The following GPC5 variants were observed in gnomAD, a reference collection of about 807,000 sequenced individuals.
GPC5 encodes glypican-5.
Under a neutral mutation model 53.9 loss-of-function variants are expected in GPC5, and 47 were observed. The ratio of observed to expected loss-of-function variants is 0.87; its 90% CI spans 0.69 to 1.11. GPC5 has a LOEUF of 1.11. Among genes scored for constraint, GPC5 ranks in the 50% most tolerant of loss-of-function variants. The probability of loss-of-function intolerance (pLI) is 0.00; values close to 1 mark genes in which losing one functional copy is unlikely to be tolerated. For synonymous variants in GPC5, 286 were observed against 263.3 expected, an observed-to-expected ratio of 1.09 and a Z score of -0.84; for missense variants, 748 against 713.1, an observed-to-expected ratio of 1.05 and a Z score of -0.56.
intron 7 of GPC5, among the ~76,000 whole-genome samples, chr13:92,605,785 G>A (rs578067073): frequency 1.3e-5 from 2 of 151,672 alleles, no homozygotes; most frequent in East Asian, 1.9e-4. Flanking sequence ...AAAAATACAC[G>A]GTTAGGACAC....
At chr13:92,549,786 G>A (rs914157307) in intron 7 of GPC5, among the ~76,000 whole-genome samples, 1 of 151,530 alleles carries the variant, frequency 6.6e-6, no homozygotes, top group Non-Finnish European at 1.5e-5. Context: ...TTGACTTTCT[G>A]ATTTCAAGTA....
intron 6 of GPC5, among the ~76,000 whole-genome samples, chr13:91,937,150 C>A (rs1405926391): frequency 6.6e-6 from 1 of 152,012 alleles, no homozygotes; most frequent in African/African-American, 2.4e-5. Context: ...TGCCTATGAC[C>A]CTTGACAAAG....
At chr13:91,744,738 C>A (rs2037010524) in intron 4 of GPC5, among the ~76,000 whole-genome samples, 1 of 152,056 alleles carries the variant, frequency 6.6e-6, no homozygotes, top group African/African-American at 2.4e-5. Context: ...CCGTAAGTCA[C>A]AAAGTTTATT....
intron 3 of GPC5, among the ~76,000 whole-genome samples, chr13:91,707,578 G>A (rs183649584): frequency 1.2e-4 from 19 of 152,194 alleles, no homozygotes; most frequent in East Asian, 9.7e-4. Context: ...CCATGATCGC[G>A]CCACTGCACT....
chr13:91,647,165 T>A (rs1004614546), intron 2 of GPC5, among the ~76,000 whole-genome samples: 1 of 151,882 alleles, frequency 6.6e-6, no homozygotes, highest in Non-Finnish European at 1.5e-5. Context: ...CTTACCCTGT[T>A]TTTTTTGTGC....
chr13:91,687,564 G>A (rs1163092093), intron 2 of GPC5, among the ~76,000 whole-genome samples: 1 of 151,828 alleles, frequency 6.6e-6, no homozygotes, highest in Non-Finnish European at 1.5e-5. Flanking sequence ...TTTCCCATAA[G>A]GCTGGGAAGA....
intron 4 of GPC5, among the ~76,000 whole-genome samples, chr13:91,754,271 A>G (rs950432233): frequency 2.0e-5 from 3 of 152,134 alleles, no homozygotes; most frequent in Admixed American, 6.6e-5. Context: ...ATCAAATTTG[A>G]ATTTTAGAAA....
At chr13:92,712,422 G>A (rs948533928) in intron 7 of GPC5, among the ~76,000 whole-genome samples, 1 of 149,936 alleles carries the variant, frequency 6.7e-6, no homozygotes, top group African/African-American at 2.4e-5. Context: ...AAATGTCAAA[G>A]GTAAAACCAT....
chr13:92,866,236 G>T (rs1349694191), intron 7 of GPC5, 46 bp from the exon 8 acceptor site: 1 of 1,553,116 alleles, frequency 6.4e-7, no homozygotes, highest in Non-Finnish European at 8.8e-7. Context: ...ACGTATTATG[G>T]TGAAGTGGTC....
chr13:91,684,528 A>G (rs1026422268), intron 2 of GPC5, among the ~76,000 whole-genome samples: 1 of 152,104 alleles, frequency 6.6e-6, no homozygotes, highest in African/African-American at 2.4e-5. Flanking sequence ...TCTCCCTCCA[A>G]ACAAACCACA....
At chr13:92,371,287 C>T (rs1447941428) in intron 7 of GPC5, among the ~76,000 whole-genome samples, 1 of 152,172 alleles carries the variant, frequency 6.6e-6, no homozygotes, top group Non-Finnish European at 1.5e-5. Context: ...AGGATTTTGG[C>T]TTCCATATTC....
At chr13:91,485,497 C>A (rs937570182) in intron 2 of GPC5, among the ~76,000 whole-genome samples, 1 of 152,202 alleles carries the variant, frequency 6.6e-6, no homozygotes, top group Non-Finnish European at 1.5e-5. Context: ...GGATTACAGG[C>A]GTGAGCCACT....
At chr13:92,220,553 C>T (rs140657083) in intron 7 of GPC5, among the ~76,000 whole-genome samples, 198 of 152,188 alleles carry the variant, frequency 1.3e-3, no homozygotes, top group Non-Finnish European at 2.3e-3. Context: ...AGGATACTAT[C>T]GGGAAGTAAA....
chr13:92,439,994 T>A lies in GPC5; in HGVS notation c.1561+295005T>A, dbSNP rs1157605965. On this transcript the variant is annotated intron_variant, in intron 7 of 7. Transcript: ENST00000377067. ...CCTTGAAGGTATTGGCATACAAGCC[T>A]CCAGGAATTAATTGGATAGGGAGCT... Among the ~76,000 whole-genome samples the A allele has an allele frequency of 2.0e-5, 3 of 152,126 alleles. No homozygotes were observed. The East Asian group carries it at 5.8e-4, about 29-fold the overall frequency.
At chr13:92,317,856 C>T (rs2043190013) in intron 7 of GPC5, among the ~76,000 whole-genome samples, 1 of 152,014 alleles carries the variant, frequency 6.6e-6, no homozygotes, top group Admixed American at 6.6e-5. Flanking sequence ...CTCTGCTCCT[C>T]TAATTGTTAA....
intron 7 of GPC5, among the ~76,000 whole-genome samples, chr13:92,860,168 A>T (rs1389754731): frequency 6.6e-6 from 1 of 152,136 alleles, no homozygotes; most frequent in African/African-American, 2.4e-5. Context: ...GGATAACTCC[A>T]TTATTTTTAC....
intron 7 of GPC5, among the ~76,000 whole-genome samples, chr13:92,257,958 T>C (rs2042739467): frequency 6.6e-6 from 1 of 152,190 alleles, no homozygotes; most frequent in South Asian, 2.1e-4. Flanking sequence ...TAAAATGTTT[T>C]ATTTAAAAGG....
At chr13:91,873,039 G>T (rs1007553219) in intron 5 of GPC5, among the ~76,000 whole-genome samples, 1 of 152,138 alleles carries the variant, frequency 6.6e-6, no homozygotes, top group African/African-American at 2.4e-5. Flanking sequence ...CATAGATGCA[G>T]TATTTTTCTA....
At chr13:92,457,512 T>C (rs1268515344) in intron 7 of GPC5, among the ~76,000 whole-genome samples, 2 of 152,102 alleles carry the variant, frequency 1.3e-5, no homozygotes, top group Non-Finnish European at 2.9e-5. Context: ...ATTGCTCACA[T>C]TATCAGACTG....
Sources: gnomAD v4.1 joint callset for allele counts (sites outside exome capture counted in the v4.1 genomes callset) on GRCh38, gnomAD v4.1.1 for gene constraint, MANE v1.5 for transcripts, NCBI Gene and HGNC (gene_info 2026-07-23, HGNC 2026-07-21) for gene names.